The following CTNNA2 variants were observed in gnomAD, a reference collection of about 807,000 sequenced individuals.
The protein encoded by CTNNA2 is catenin alpha 2.
Under a neutral mutation model 101.0 loss-of-function variants are expected in CTNNA2, and 42 were observed. The ratio of observed to expected loss-of-function variants is 0.42; its 90% CI spans 0.32 to 0.54. The LOEUF (loss-of-function observed/expected upper bound fraction) is 0.54, where lower values mean the gene tolerates loss of function less well. Among genes scored for constraint, CTNNA2 ranks in the 20% least tolerant of loss-of-function variants. CTNNA2 has a pLI of 0.14. For missense variants in CTNNA2, 871 were observed against 1,223.1 expected (o/e 0.71, Z 4.29); for synonymous variants, 450 against 456.4 (o/e 0.99, Z 0.18).
chr2:79,259,336 T>C (rs1308762624), intron 2 of CTNNA2, among the ~76,000 whole-genome samples: 1 of 152,098 alleles, frequency 6.6e-6, no homozygotes. Flanking sequence ...TAACAAAGAC[T>C]GAACTGAGCT....
intron 7 of CTNNA2, among the ~76,000 whole-genome samples, chr2:80,306,715 G>T (rs1310481285): frequency 3.9e-5 from 6 of 151,928 alleles, no homozygotes; most frequent in African/African-American, 1.5e-4. Flanking sequence ...GGGTGTTGAG[G>T]AGGCACCCGC....
chr2:79,740,017 T>C (rs1671179305), intron 2 of CTNNA2, among the ~76,000 whole-genome samples: 1 of 152,248 alleles, frequency 6.6e-6, no homozygotes, highest in Admixed American at 6.5e-5. Context: ...TTTTTTAATT[T>C]AACTTTTATT....
chr2:79,329,822 G>A (rs1179527647), intron 3 of CTNNA2, among the ~76,000 whole-genome samples: 1 of 152,146 alleles, frequency 6.6e-6, no homozygotes, highest in Admixed American at 6.5e-5. Context: ...CTTCAAATGA[G>A]TCCACAATCT....
At chr2:80,306,450 T>TTCTTTCTC (rs1553488063) in intron 7 of CTNNA2, among the ~76,000 whole-genome samples, 97 of 124,942 alleles carry the variant, frequency 7.8e-4, no homozygotes, top group African/African-American at 1.0e-3. Flanking sequence ...CTTTCTTTCT[T>TTCTTTCTC]TCTCTCTCTC....
intron 13 of CTNNA2, among the ~76,000 whole-genome samples, chr2:80,578,248 C>T (rs1248422810): frequency 6.6e-6 from 1 of 152,146 alleles, no homozygotes; most frequent in Non-Finnish European, 1.5e-5. Flanking sequence ...ATAGTGGAAC[C>T]ACGAAACTAG....
intron 6 of CTNNA2, among the ~76,000 whole-genome samples, chr2:79,875,678 C>G (rs1335460935): frequency 6.6e-6 from 1 of 152,024 alleles, no homozygotes; most frequent in Non-Finnish European, 1.5e-5. Context: ...CTCCTCTTTC[C>G]CATATTTTTA....
chr2:80,012,077 G>C (rs1439596988), intron 7 of CTNNA2, among the ~76,000 whole-genome samples: 1 of 152,092 alleles, frequency 6.6e-6, no homozygotes, highest in Non-Finnish European at 1.5e-5. Flanking sequence ...CACTGCTCTG[G>C]ATTCCAGTGA....
intron 7 of CTNNA2, among the ~76,000 whole-genome samples, chr2:80,085,636 T>C (rs1018378324): frequency 6.6e-6 from 1 of 152,054 alleles, no homozygotes; most frequent in Non-Finnish European, 1.5e-5. Context: ...AGGGATTTAC[T>C]AAAGCCATTA....
intron 7 of CTNNA2, among the ~76,000 whole-genome samples, chr2:80,265,961 G>T (rs1672971718): frequency 6.6e-6 from 1 of 152,170 alleles, no homozygotes; most frequent in African/African-American, 2.4e-5. Flanking sequence ...TGGCCATTTG[G>T]ATGTGTTAAA....
chr2:79,929,468 A>G (rs888216642), intron 7 of CTNNA2, among the ~76,000 whole-genome samples: 12 of 152,192 alleles, frequency 7.9e-5, no homozygotes, highest in Non-Finnish European at 1.3e-4. Context: ...CTCTCCAACA[A>G]ATTCTATCAT....
At chr2:79,411,733 C>G (rs4533495) in intron 4 of CTNNA2, among the ~76,000 whole-genome samples, 43,553 of 151,928 alleles carry the variant, frequency 0.29, 6,387 homozygotes, top group South Asian at 0.43. Flanking sequence ...TCTAAAAGAG[C>G]TCCTGAAGGA....
At chr2:79,234,643 C>T (rs542716245) in intron 2 of CTNNA2, among the ~76,000 whole-genome samples, 3 of 152,276 alleles carry the variant, frequency 2.0e-5, no homozygotes, top group South Asian at 4.1e-4. Context: ...AAATTACTTA[C>T]TCCTTCTCTT....
At chr2:79,644,832 T>C (rs77078623) in intron 1 of CTNNA2, among the ~76,000 whole-genome samples, 2,232 of 152,288 alleles carry the variant, frequency 0.015, 23 homozygotes, top group Non-Finnish European at 0.021. Context: ...CCTCTTTTTT[T>C]CATTTGTGTC....
intron 7 of CTNNA2, among the ~76,000 whole-genome samples, chr2:80,215,859 G>A (rs1177835465): frequency 3.9e-5 from 6 of 152,332 alleles, no homozygotes; most frequent in Admixed American, 1.3e-4. Flanking sequence ...TGCCCCCAGA[G>A]GTGGAGTCTA....
At chr2:80,581,385 ATCTTT>A (rs778261274) in intron 13 of CTNNA2, among the ~76,000 whole-genome samples, 84 of 152,270 alleles carry the variant, frequency 5.5e-4, no homozygotes, top group Non-Finnish European at 5.6e-4. Context: ...TTGTTGATGG[ATCTTT>A]TCTTTCAATA....
chr2:79,600,182 T>G lies in CTNNA2; in HGVS notation c.-5-51370T>G, dbSNP rs114719728. Among the ~76,000 whole-genome samples the G allele has an allele frequency of 4.1e-3, 628 of 151,924 alleles. 5 individuals are homozygous for G. Among genetic ancestry groups the G allele is most frequent in the African/African-American group, 0.014 (592 of 41,440 alleles). Reference sequence around the variant, plus strand: ...TGAGCTCCTTGCCCCTTAGTTATTTTATTTTATTTTTGAGACTATGTCTTC... The same window carrying G: ...TGAGCTCCTTGCCCCTTAGTTATTTGATTTTATTTTTGAGACTATGTCTTC... On this transcript the variant is annotated intron_variant, in intron 1 of 18. Transcript: ENST00000402739.
At chr2:80,637,477 CAGAG>C (rs1027706950) in intron 18 of CTNNA2, among the ~76,000 whole-genome samples, 17 of 151,908 alleles carry the variant, frequency 1.1e-4, no homozygotes, top group Admixed American at 1.1e-3. Context: ...TTACCAGTGA[CAGAG>C]AGTGCACAGG....
intron 7 of CTNNA2, among the ~76,000 whole-genome samples, chr2:79,958,508 A>G (rs1036414639): frequency 6.6e-6 from 1 of 152,144 alleles, no homozygotes; most frequent in Non-Finnish European, 1.5e-5. Context: ...GCTGGGCTTG[A>G]AGATGGAGGA....
At chr2:79,794,915 A>G (rs1247369542) in intron 3 of CTNNA2, among the ~76,000 whole-genome samples, 2 of 152,196 alleles carry the variant, frequency 1.3e-5, no homozygotes, top group Non-Finnish European at 2.9e-5. Context: ...TTCATGTCCT[A>G]TACCGGAACA....
Sources: allele counts gnomAD v4.1 joint callset (sites outside exome capture counted in the v4.1 genomes callset), GRCh38; gene constraint gnomAD v4.1.1; transcripts MANE v1.5; gene names NCBI Gene and HGNC (gene_info 2026-07-23, HGNC 2026-07-21).